Variants in ATXN7L1 observed in about 807,000 individuals in gnomAD.
The protein encoded by ATXN7L1 is ataxin-7-like protein 1.
ATXN7L1 carries 15 observed loss-of-function variants against 70.8 expected under a neutral mutation model. The ratio of observed to expected loss-of-function variants is 0.21; its 90% CI spans 0.14 to 0.33. The LOEUF (loss-of-function observed/expected upper bound fraction) is 0.33, where lower values mean the gene tolerates loss of function less well. Among genes scored for constraint, ATXN7L1 ranks in the 10% least tolerant of loss-of-function variants. ATXN7L1 has a pLI of 1.00. For missense variants in ATXN7L1, 975 were observed against 1,097.1 expected (o/e 0.89, Z 1.57); for synonymous variants, 440 against 445.1 (o/e 0.99, Z 0.14).
intron 7 of ATXN7L1, among the ~76,000 whole-genome samples, chr7:105,626,164 A>C (rs1168023662): frequency 1.3e-5 from 2 of 152,270 alleles, no homozygotes; most frequent in Non-Finnish European, 2.9e-5. Flanking sequence ...TGACAAGATA[A>C]AATATGGTAT....
intron 8 of ATXN7L1, among the ~76,000 whole-genome samples, chr7:105,622,590 C>A (rs899282061): frequency 6.6e-6 from 1 of 152,214 alleles, no homozygotes; most frequent in African/African-American, 2.4e-5. Flanking sequence ...ATTCTGATAT[C>A]TGACACAGAG....
At chr7:105,608,412 G>T (rs568847194) in intron 11 of ATXN7L1, among the ~76,000 whole-genome samples, 1 of 152,152 alleles carries the variant, frequency 6.6e-6, no homozygotes, top group Non-Finnish European at 1.5e-5. Flanking sequence ...TGTGTGTAGC[G>T]TGTGTAAAGG....
At chr7:105,773,853 A>G (rs1318291149) in intron 3 of ATXN7L1, among the ~76,000 whole-genome samples, 1 of 152,200 alleles carries the variant, frequency 6.6e-6, no homozygotes, top group Non-Finnish European at 1.5e-5. Flanking sequence ...AGTTGTGTAG[A>G]CAAGTGAGGG....
At chr7:105,679,305 G>T in intron 3 of ATXN7L1, 2 of 259,726 alleles carry the variant, frequency 7.7e-6, no homozygotes, top group Non-Finnish European at 6.0e-6. Flanking sequence ...ACAAGGTGTG[G>T]TCAGAGGCAG....
chr7:105,875,659 G>A (rs1244780771), intron 2 of ATXN7L1, among the ~76,000 whole-genome samples, 153 bp downstream of exon 2: 1 of 115,714 alleles, frequency 8.6e-6, no homozygotes, highest in African/African-American at 3.4e-5. Context: ...TACTTTGAAA[G>A]AAGTTAACAT....
chr7:105,796,788 G>A (rs1245987311), intron 2 of ATXN7L1, among the ~76,000 whole-genome samples: 2 of 152,030 alleles, frequency 1.3e-5, no homozygotes, highest in African/African-American at 4.8e-5. Flanking sequence ...AAAGCTTAAG[G>A]CAATATACAA....
intron 2 of ATXN7L1, among the ~76,000 whole-genome samples, chr7:105,840,099 C>T (rs1008412707): frequency 1.3e-5 from 2 of 152,104 alleles, no homozygotes; most frequent in Non-Finnish European, 2.9e-5. Context: ...GGGACTCTGC[C>T]GGCAGGCAGT....
intron 10 of ATXN7L1, 76 bp from the exon 11 acceptor site, chr7:105,610,679 G>A (rs779261287): frequency 2.7e-5 from 33 of 1,243,968 alleles, no homozygotes; most frequent in Non-Finnish European, 3.7e-5. Flanking sequence ...ACATGTTCTA[G>A]GGGAAAGAAG....
chr7:105,612,041 C>T (rs77199604), intron 10 of ATXN7L1, among the ~76,000 whole-genome samples: 9 of 152,284 alleles, frequency 5.9e-5, no homozygotes, highest in African/African-American at 1.9e-4. Flanking sequence ...CTTTCACCAC[C>T]GCTTCTGGCT....
intron 9 of ATXN7L1, chr7:105,618,085 C>G (rs778264525): frequency 6.6e-6 from 3 of 456,366 alleles, no homozygotes; most frequent in East Asian, 1.4e-4. Flanking sequence ...CCCTGTGGCT[C>G]GGGTTTCTGT....
At chr7:105,865,700 C>T (rs958487399) in intron 2 of ATXN7L1, among the ~76,000 whole-genome samples, 18 of 152,250 alleles carry the variant, frequency 1.2e-4, no homozygotes, top group Admixed American at 1.1e-3. Context: ...TGCACCCGGG[C>T]CATTTTCACC....
intron 2 of ATXN7L1, among the ~76,000 whole-genome samples, chr7:105,864,372 C>T (rs527515571): frequency 1.6e-4 from 23 of 144,980 alleles, no homozygotes; most frequent in Non-Finnish European, 3.1e-4. Context: ...GTAGAAGGAT[C>T]GCTTGAGCCC....
intron 4 of ATXN7L1, chr7:105,649,407 C>T (rs1026616584): frequency 1.0e-6 from 1 of 987,596 alleles, no homozygotes; most frequent in South Asian, 4.7e-5. Context: ...CGATATCTAC[C>T]TCTGTTTCTT....
At chr7:105,654,659 A>G (rs1003348435) in intron 4 of ATXN7L1, among the ~76,000 whole-genome samples, 4 of 152,180 alleles carry the variant, frequency 2.6e-5, no homozygotes, top group Non-Finnish European at 4.4e-5. Flanking sequence ...GGCTATCAAA[A>G]CATCTAAAAA....
intron 4 of ATXN7L1, among the ~76,000 whole-genome samples, chr7:105,658,262 C>T (rs544173384): frequency 2.6e-5 from 4 of 151,456 alleles, no homozygotes; most frequent in Non-Finnish European, 5.9e-5. Context: ...AATGGATTAC[C>T]CTCTTCTTGC....
At chr7:105,641,214 C>CTCTCTTT (rs1316374331) in intron 5 of ATXN7L1, among the ~76,000 whole-genome samples, 12 of 21,786 alleles carry the variant, frequency 5.5e-4, no homozygotes, top group South Asian at 2.7e-3. Context: ...CTCTCTCTCT[C>CTCTCTTT]TTTTTTTTTT....
rs1444185113 is a variant in ATXN7L1, at chr7:105,785,726, C to T, written c.355+2878G>A. On this transcript the variant is annotated intron_variant, in intron 3 of 11. Coordinates refer to ENST00000419735, the MANE Select transcript of ATXN7L1 (RefSeq NM_020725.2). ...AGATAATTAGGTCATGAGAGTGGAGCCCCCATGAAGGGGATTAGTGCCCAT... is the reference window on the plus strand; with the variant it reads ...AGATAATTAGGTCATGAGAGTGGAGTCCCCATGAAGGGGATTAGTGCCCAT... Among the ~76,000 whole-genome samples, 3 of 152,194 alleles carry T rather than the reference C, an allele frequency of 2.0e-5. No homozygotes were observed. In the East Asian group the frequency reaches 5.8e-4, roughly 29 times the overall value.
chr7:105,855,940 G>A (rs547049771), intron 2 of ATXN7L1, among the ~76,000 whole-genome samples: 169 of 152,256 alleles, frequency 1.1e-3, no homozygotes, highest in Non-Finnish European at 2.1e-3. Context: ...AGAATCCAAG[G>A]ATTTGGGGTC....
At chr7:105,676,330 T>C (rs923551710) in intron 3 of ATXN7L1, among the ~76,000 whole-genome samples, 28 of 152,136 alleles carry the variant, frequency 1.8e-4, no homozygotes, top group African/African-American at 6.7e-4. Flanking sequence ...GTCACATGTG[T>C]TTAAACACAG....
Sources: gnomAD v4.1 joint callset for allele counts (sites outside exome capture counted in the v4.1 genomes callset) on GRCh38, gnomAD v4.1.1 for gene constraint, MANE v1.5 for transcripts, NCBI Gene and HGNC (gene_info 2026-07-23, HGNC 2026-07-21) for gene names.